The following OSBPL1A variants were observed in gnomAD, a reference collection of about 807,000 sequenced individuals.
OSBPL1A encodes the protein oxysterol-binding protein-related protein 1.
Under a neutral mutation model 137.1 loss-of-function variants are expected in OSBPL1A, and 80 were observed. The ratio of observed to expected loss-of-function variants is 0.58; its 90% CI spans 0.49 to 0.70. The LOEUF is 0.70. Ranked by LOEUF, OSBPL1A falls within the 30% of genes least tolerant of loss-of-function variation. The probability of loss-of-function intolerance (pLI) is 0.00; values close to 1 mark genes in which losing one functional copy is unlikely to be tolerated. For missense variants in OSBPL1A, 970 were observed against 1,129.4 expected (o/e 0.86, Z 2.02); for synonymous variants, 365 against 389.7 (o/e 0.94, Z 0.75).
At position 24,317,324 on chromosome 18, in the gene OSBPL1A, T is replaced by G; in HGVS notation, c.806+3A>C. The G allele has an allele frequency of 1.2e-6, 2 of 1,612,990 alleles. No individual in the cohort carries two copies. The highest frequency in any genetic ancestry group is 1.7e-6 in the Non-Finnish European group (2 of 1,179,030). On this transcript the variant is annotated splice_donor_region_variant and intron_variant, in intron 10 of 27. Coordinates refer to ENST00000319481, the MANE Select transcript of OSBPL1A (RefSeq NM_080597.4). ...TGATAAGTGTAAAGATCATAATACT[T>G]ACTGTTTCCTATACCATGAAAGGAC...
At chr18:24,375,158 T>C (rs1281803810) in intron 2 of OSBPL1A, among the ~76,000 whole-genome samples, 1 of 151,230 alleles carries the variant, frequency 6.6e-6, no homozygotes, top group Non-Finnish European at 1.5e-5. Context: ...CTACAAGAAA[T>C]ACAAAAATTA....
chr18:24,344,901 C>T (rs1003722741), intron 4 of OSBPL1A, among the ~76,000 whole-genome samples: 1 of 152,074 alleles, frequency 6.6e-6, no homozygotes, highest in African/African-American at 2.4e-5. Flanking sequence ...GCAGCCTTGA[C>T]CTCCTGGGCT....
At chr18:24,191,350 C>T (rs896167055) in intron 18 of OSBPL1A, among the ~76,000 whole-genome samples, 3 of 152,240 alleles carry the variant, frequency 2.0e-5, no homozygotes, top group Admixed American at 6.5e-5. Context: ...CATTACTGGA[C>T]ATTTTTTTAA....
chr18:24,358,168 T>A (rs1284544389), intron 4 of OSBPL1A: 2 of 432,352 alleles, frequency 4.6e-6, no homozygotes, highest in African/African-American at 4.0e-5. Flanking sequence ...ATTTTTATGG[T>A]AAATGGACAA....
chr18:24,274,233 C>T (rs1431390823), intron 15 of OSBPL1A, among the ~76,000 whole-genome samples: 1 of 110,392 alleles, frequency 9.1e-6, no homozygotes, highest in Admixed American at 1.1e-4. Flanking sequence ...GACTCCTTCA[C>T]AAAAAAAAAA....
Position 24,193,018 on chromosome 18 carries a change from C to A in OSBPL1A, c.1677+3107G>T, listed in dbSNP as rs1599467429. The stretch of plus-strand genomic sequence containing the variant: ...CAACAGAGAGCAGGAAGAGCTAAGG[C>A]TCAGTATCAAATTTCCTCTTCCACT... On this transcript the variant is annotated intron_variant, in intron 18 of 27. Transcript: ENST00000319481. Among the ~76,000 whole-genome samples, 4 of 152,274 alleles carry A rather than the reference C, an allele frequency of 2.6e-5. No individual in the cohort carries two copies. In the South Asian group the frequency reaches 8.3e-4, roughly 32 times the overall value.
At chr18:24,332,360 T>G (rs1330361139) in intron 7 of OSBPL1A, among the ~76,000 whole-genome samples, 1 of 114,598 alleles carries the variant, frequency 8.7e-6, no homozygotes, top group East Asian at 3.0e-4. Flanking sequence ...CACTCCAGAC[T>G]GGGCAACAGA....
chr18:24,215,048 G>A (rs2087651456), intron 17 of OSBPL1A, among the ~76,000 whole-genome samples: 1 of 152,216 alleles, frequency 6.6e-6, no homozygotes, highest in Admixed American at 6.5e-5. Context: ...AGGGAGTTGA[G>A]TTTCTGGTTC....
In OSBPL1A at chr18:24,368,321, A is replaced by T; in HGVS notation, c.173T>A (p.Phe58Tyr). The T allele has an allele frequency of 6.2e-7, 1 of 1,613,782 alleles. No individual in the cohort carries two copies. Among genetic ancestry groups the T allele is most frequent in the Non-Finnish European group, 8.5e-7 (1 of 1,179,742 alleles). The change falls in exon 3 of 28, where the codon TTT becomes TAT. Residue 58 changes from phenylalanine (F) to tyrosine (Y), a missense_variant. Physicochemically the swap from Phe to Tyr is conservative, Grantham distance 22 (BLOSUM62 3). This residue lies in a region of OSBPL1A where 647 missense variants were observed against 672.6 expected (regional missense o/e 0.96). Transcript: ENST00000319481. The stretch of plus-strand genomic sequence containing the variant: ...ATCCTGGACCACTTGTCTGTGTCCA[A>T]AATAGCATGCCAGATGTAGAGGTGT... The part of the protein sequence containing the change: ...GWTPLHLACY[F>Y]GHRQVVQDLL...
At chr18:24,343,413 A>G (rs1568040424) in intron 4 of OSBPL1A, among the ~76,000 whole-genome samples, 1 of 152,220 alleles carries the variant, frequency 6.6e-6, no homozygotes, top group African/African-American at 2.4e-5. Context: ...AAAGCTATCT[A>G]CAGATTCAAT....
chr18:24,232,114 T>C (rs2088302154), intron 16 of OSBPL1A, among the ~76,000 whole-genome samples: 1 of 152,214 alleles, frequency 6.6e-6, no homozygotes, highest in Non-Finnish European at 1.5e-5. Context: ...CAACCCAAGG[T>C]ACAGCTTAAA....
chr18:24,388,812 A>AG (rs1252864746), intron 1 of OSBPL1A, among the ~76,000 whole-genome samples: 1 of 151,688 alleles, frequency 6.6e-6, no homozygotes, highest in Non-Finnish European at 1.5e-5. Context: ...AAAAAAAAAA[A>AG]AAAAAAAAAC....
intron 18 of OSBPL1A, among the ~76,000 whole-genome samples, chr18:24,188,597 C>G (rs933089606): frequency 6.6e-6 from 1 of 152,120 alleles, no homozygotes; most frequent in South Asian, 2.1e-4. Context: ...GAAAGGCACA[C>G]GGCTGGGTCA....
rs1403925949 is a variant in OSBPL1A at position 24,162,761 on chromosome 18, AAT to A, written c.*416_*417del. On this transcript the variant is annotated 3_prime_UTR_variant, in exon 28 of 28. Coordinates refer to ENST00000319481, the MANE Select transcript of OSBPL1A (RefSeq NM_080597.4). ...AACATTGTATAGGAGGAGAGTTCTAAATATGTCAAAGGTTACATCTAAAACAT... is the reference window on the plus strand; with the variant it reads ...AACATTGTATAGGAGGAGAGTTCTAAATGTCAAAGGTTACATCTAAAACAT... 6.3e-6 allele frequency: 1 copy of A among 158,094 alleles called. No individual in the cohort carries two copies. The highest frequency in any genetic ancestry group is 1.4e-5 in the Non-Finnish European group (1 of 72,282). 9.8% of individuals were successfully genotyped at this position (158,094 alleles called of 1,614,324 possible).
At chr18:24,241,431 G>GA (rs1315560756) in intron 15 of OSBPL1A, among the ~76,000 whole-genome samples, 2 of 152,026 alleles carry the variant, frequency 1.3e-5, no homozygotes, top group South Asian at 2.1e-4. Flanking sequence ...AAATTTACAA[G>GA]AAAAAAACAA....
At chr18:24,277,973 T>C (rs974471726) in intron 15 of OSBPL1A, among the ~76,000 whole-genome samples, 3 of 152,246 alleles carry the variant, frequency 2.0e-5, no homozygotes, top group Non-Finnish European at 4.4e-5. Context: ...TTCCACGCAG[T>C]ATGCTAACAT....
At chr18:24,172,533 T>C (rs2086315344) in intron 21 of OSBPL1A, 50 bp from the exon 22 acceptor site, 3 of 1,317,114 alleles carry the variant, frequency 2.3e-6, no homozygotes, top group Non-Finnish European at 3.3e-6. Flanking sequence ...TATCACTTTG[T>C]TTAAAAAGTA....
At chr18:24,269,850 T>TAACACACACACA (rs1184764071) in intron 15 of OSBPL1A, among the ~76,000 whole-genome samples, 19 of 43,910 alleles carry the variant, frequency 4.3e-4, no homozygotes, top group Non-Finnish European at 9.8e-4. Flanking sequence ...ATGACAAGCC[T>TAACACACACACA]AACACACACA....
intron 22 of OSBPL1A, among the ~76,000 whole-genome samples, chr18:24,172,140 C>T (rs1395944660): frequency 1.3e-5 from 2 of 152,052 alleles, no homozygotes; most frequent in Admixed American, 6.5e-5. Flanking sequence ...GGGGTTTCAC[C>T]ATCTTGGCCA....
Sources: gnomAD v4.1 joint callset for allele counts (sites outside exome capture counted in the v4.1 genomes callset) on GRCh38, gnomAD v4.1.1 for gene constraint, gnomAD v4.1.1 regional missense constraint, MANE v1.5 for transcripts, NCBI Gene and HGNC (gene_info 2026-07-23, HGNC 2026-07-21) for gene names.